KCNH8: variants seen among roughly 807,000 people sequenced by gnomAD.
KCNH8 encodes the protein potassium voltage-gated channel subfamily H member 8.
Under a neutral mutation model 103.6 loss-of-function variants are expected in KCNH8, and 70 were observed. The ratio of observed to expected loss-of-function variants is 0.68; its 90% CI spans 0.56 to 0.82. The LOEUF is 0.82. Ranked by LOEUF, KCNH8 falls within the 40% of genes least tolerant of loss-of-function variation. The pLI, the probability that KCNH8 is intolerant of heterozygous loss-of-function variation, is 0.00. For synonymous variants in KCNH8, 498 were observed against 489.4 expected, an observed-to-expected ratio of 1.02 and a Z score of -0.23; for missense variants, 1,217 against 1,329.9, an observed-to-expected ratio of 0.92 and a Z score of 1.32.
intron 7 of KCNH8, among the ~76,000 whole-genome samples, chr3:19,405,980 G>A (rs1385835396): frequency 6.6e-6 from 1 of 151,930 alleles, no homozygotes; most frequent in South Asian, 2.1e-4. Context: ...TAGGATCCTG[G>A]TAAACAAAAC....
At chr3:19,242,894 A>AAAAAC (rs1484563426) in intron 1 of KCNH8, among the ~76,000 whole-genome samples, 1 of 152,294 alleles carries the variant, frequency 6.6e-6, no homozygotes, top group East Asian at 1.9e-4. Context: ...CAACAAAAGA[A>AAAAAC]AAAACAAAAC....
chr3:19,202,937 G>A (rs1012682697), intron 1 of KCNH8, among the ~76,000 whole-genome samples: 4 of 152,028 alleles, frequency 2.6e-5, no homozygotes, highest in East Asian at 3.9e-4. Context: ...ACCACCCGAC[G>A]ATACAAATTT....
chr3:19,268,271 T>C (rs1256078758), intron 2 of KCNH8, among the ~76,000 whole-genome samples: 3 of 152,044 alleles, frequency 2.0e-5, no homozygotes, highest in Non-Finnish European at 2.9e-5. Context: ...TGACCAAATA[T>C]GGAGTTCAAG....
chr3:19,360,166 C>T (rs371298701), intron 5 of KCNH8, among the ~76,000 whole-genome samples: 25 of 152,138 alleles, frequency 1.6e-4, no homozygotes, highest in Middle Eastern at 3.4e-3. Flanking sequence ...TTGAAATGCA[C>T]ATACCCTAGG....
chr3:19,255,075 A>G (rs544161473), intron 2 of KCNH8, among the ~76,000 whole-genome samples: 3 of 152,288 alleles, frequency 2.0e-5, no homozygotes, highest in African/African-American at 7.2e-5. Context: ...ACCTAATCCA[A>G]TATGACTAGA....
intron 1 of KCNH8, among the ~76,000 whole-genome samples, chr3:19,226,291 T>C (rs529189245): frequency 1.3e-4 from 20 of 152,332 alleles, no homozygotes; most frequent in African/African-American, 4.8e-4. Flanking sequence ...TTATATATGT[T>C]TGTATGTGTA....
chr3:19,224,957 A>C (rs1229804704), intron 1 of KCNH8, among the ~76,000 whole-genome samples: 1 of 152,148 alleles, frequency 6.6e-6, no homozygotes, highest in Admixed American at 6.5e-5. Context: ...GAAGTAAAAC[A>C]GTTAAGTTGA....
At chr3:19,509,171 C>T (rs549001410) in intron 11 of KCNH8, among the ~76,000 whole-genome samples, 2 of 152,252 alleles carry the variant, frequency 1.3e-5, no homozygotes, top group South Asian at 2.1e-4. Context: ...CATATTAAGG[C>T]GGCTAAGCAG....
chr3:19,402,556 A>T (rs1171361085), intron 7 of KCNH8, among the ~76,000 whole-genome samples: 1 of 151,900 alleles, frequency 6.6e-6, no homozygotes, highest in Non-Finnish European at 1.5e-5. Context: ...GTATACACAC[A>T]TATACATACA....
chr3:19,169,361 C>G (rs1173140195), intron 1 of KCNH8, among the ~76,000 whole-genome samples: 1 of 151,592 alleles, frequency 6.6e-6, no homozygotes, highest in Non-Finnish European at 1.5e-5. Flanking sequence ...CGGGTTCACG[C>G]CATTCTCCTG....
intron 3 of KCNH8, among the ~76,000 whole-genome samples, chr3:19,339,494 A>G (rs1377348451): frequency 6.6e-6 from 1 of 152,150 alleles, no homozygotes; most frequent in African/African-American, 2.4e-5. Flanking sequence ...TGTAGTTTAC[A>G]AAGATTCTAT....
chr3:19,354,184 G>A (rs1472941180), intron 5 of KCNH8, among the ~76,000 whole-genome samples: 4 of 152,134 alleles, frequency 2.6e-5, no homozygotes, highest in Non-Finnish European at 5.9e-5. Context: ...GGATGTGAAA[G>A]ACCTCTTCAA....
intron 15 of KCNH8, among the ~76,000 whole-genome samples, chr3:19,528,256 G>C (rs977873629): frequency 4.6e-5 from 7 of 152,012 alleles, no homozygotes; most frequent in African/African-American, 1.7e-4. Context: ...CAAAATGTTA[G>C]CCAAATTTCA....
intron 5 of KCNH8, among the ~76,000 whole-genome samples, chr3:19,366,416 C>T (rs1366907919): frequency 6.6e-6 from 1 of 151,906 alleles, no homozygotes; most frequent in African/African-American, 2.4e-5. Context: ...ATGATTCTGC[C>T]TTATGACATA....
At position 19,464,948 on chromosome 3, in the gene KCNH8, T is replaced by A. The variant is rs1413586678; in HGVS notation, c.2040+7966T>A. On this transcript the variant is annotated intron_variant, in intron 11 of 15. Transcript: ENST00000328405. ...TTAGTATCAAGATAAGTAATTGAGATTAGCAGAAATAGCACCCAAGATGCC... is the reference window on the plus strand; with the variant it reads ...TTAGTATCAAGATAAGTAATTGAGAATAGCAGAAATAGCACCCAAGATGCC... Among the ~76,000 whole-genome samples, 3 of 152,134 alleles carry A rather than the reference T, an allele frequency of 2.0e-5. 1 individual carries two copies. Among genetic ancestry groups the A allele is most frequent in the Non-Finnish European group, 4.4e-5 (3 of 68,004 alleles).
At chr3:19,318,559 A>G (rs2065305209) in intron 3 of KCNH8, among the ~76,000 whole-genome samples, 3 of 151,606 alleles carry the variant, frequency 2.0e-5, no homozygotes, top group Admixed American at 1.3e-4. Flanking sequence ...TTCACTAAGA[A>G]TAATGGTCTC....
intron 15 of KCNH8, among the ~76,000 whole-genome samples, chr3:19,518,931 G>A (rs541489841): frequency 6.6e-6 from 1 of 152,120 alleles, no homozygotes; most frequent in East Asian, 1.9e-4. Context: ...AAGTTTATTT[G>A]AAAAGTGATA....
At chr3:19,348,645 C>G (rs115510527) in intron 5 of KCNH8, among the ~76,000 whole-genome samples, 2 of 152,006 alleles carry the variant, frequency 1.3e-5, no homozygotes, top group African/African-American at 4.8e-5. Flanking sequence ...CATTCTAGGA[C>G]AGATTCCGGG....
At chr3:19,510,206 C>A (rs2068759949) in intron 11 of KCNH8, among the ~76,000 whole-genome samples, 157 bp from the exon 12 acceptor site, 1 of 151,496 alleles carries the variant, frequency 6.6e-6, no homozygotes, top group South Asian at 2.1e-4. Flanking sequence ...GGTGTTTTCT[C>A]TTCTCTGGCC....
Sources: gnomAD v4.1 joint callset for allele counts (sites outside exome capture counted in the v4.1 genomes callset) on GRCh38, gnomAD v4.1.1 for gene constraint, MANE v1.5 for transcripts, NCBI Gene and HGNC (gene_info 2026-07-23, HGNC 2026-07-21) for gene names.